PRKD1: variants seen among roughly 807,000 people sequenced by gnomAD.
PRKD1 encodes the protein serine/threonine-protein kinase D1.
Under a neutral mutation model 95.9 loss-of-function variants are expected in PRKD1, and 63 were observed. The ratio of observed to expected loss-of-function variants is 0.66; its 90% CI spans 0.54 to 0.81. The LOEUF (loss-of-function observed/expected upper bound fraction) is 0.81, where lower values mean the gene tolerates loss of function less well. Among genes scored for constraint, PRKD1 ranks in the 30% least tolerant of loss-of-function variants. PRKD1 has a pLI of 0.00. For missense variants in PRKD1, 1,048 were observed against 1,165.3 expected, an observed-to-expected ratio of 0.90 and a Z score of 1.47; for synonymous variants, 425 against 423.1, an observed-to-expected ratio of 1.00 and a Z score of -0.05.
chr14:29,593,766 T>C (rs1315998986), intron 16 of PRKD1, among the ~76,000 whole-genome samples: 1 of 152,234 alleles, frequency 6.6e-6, no homozygotes, highest in African/African-American at 2.4e-5. Context: ...GTATCTTATT[T>C]GCCTAAGTTA....
intron 1 of PRKD1, among the ~76,000 whole-genome samples, chr14:29,767,741 A>T (rs940500283): frequency 6.6e-6 from 1 of 152,242 alleles, no homozygotes; most frequent in Admixed American, 6.5e-5. Flanking sequence ...CCTGAAAATC[A>T]GTCAACAAAC....
chr14:29,711,026 A>T (rs1885311636), intron 2 of PRKD1, among the ~76,000 whole-genome samples: 1 of 152,072 alleles, frequency 6.6e-6, no homozygotes, highest in African/African-American at 2.4e-5. Context: ...CTCAGCACTA[A>T]AAGTTTTTAA....
chr14:29,638,384 G>C lies in PRKD1; in HGVS notation c.985+105C>G, dbSNP rs577087314. 2.5e-6 allele frequency: 3 copies of C among 1,183,890 alleles called. No individual in the cohort carries two copies. In the East Asian group the frequency reaches 7.1e-5, roughly 28 times the overall value. 73.3% of individuals were successfully genotyped at this position (1,183,890 alleles called of 1,614,324 possible). A position where few individuals can be genotyped will look rare whatever the true frequency, so the allele number is the denominator to read the frequency against. ...CCATAATTTACTTTAGACTGTGTCT[G>C]AAATATCTGAACCAAAACCAAAACC... On this transcript the variant is annotated intron_variant, in intron 6 of 17. Transcript: ENST00000331968.
At chr14:29,925,478 TA>T (rs934519170) in intron 1 of PRKD1, among the ~76,000 whole-genome samples, 1 of 152,136 alleles carries the variant, frequency 6.6e-6, no homozygotes, top group African/African-American at 2.4e-5. Flanking sequence ...CTGCATTCCA[TA>T]GGTGCTTGCT....
At chr14:29,680,629 T>C (rs1883487644) in intron 2 of PRKD1, among the ~76,000 whole-genome samples, 1 of 152,006 alleles carries the variant, frequency 6.6e-6, no homozygotes, top group South Asian at 2.1e-4. Flanking sequence ...AAGAGGAACA[T>C]TTGAAGGGAA....
intron 1 of PRKD1, among the ~76,000 whole-genome samples, chr14:29,870,360 C>A (rs1170051432): frequency 7.2e-5 from 11 of 151,862 alleles, no homozygotes; most frequent in Admixed American, 7.2e-4. Context: ...CTCAATGTAC[C>A]CACCAAAAAA....
At chr14:29,845,693 T>C (rs1021457569) in intron 1 of PRKD1, among the ~76,000 whole-genome samples, 2 of 152,174 alleles carry the variant, frequency 1.3e-5, no homozygotes, top group South Asian at 2.1e-4. Context: ...AGTACAATCA[T>C]AGTTTACAGT....
intron 1 of PRKD1, among the ~76,000 whole-genome samples, chr14:29,770,930 C>CAAAA (rs753745571): frequency 1.7e-4 from 8 of 47,130 alleles, no homozygotes; most frequent in East Asian, 1.1e-3. Context: ...AGACACTGTC[C>CAAAA]AAAAAAAAAA....
chr14:29,895,656 C>A (rs1894099063), intron 1 of PRKD1, among the ~76,000 whole-genome samples: 1 of 152,168 alleles, frequency 6.6e-6, no homozygotes, highest in Non-Finnish European at 1.5e-5. Context: ...TCTCCCCACT[C>A]ACTCCATACC....
intron 13 of PRKD1, among the ~76,000 whole-genome samples, chr14:29,615,562 C>T (rs1251556725): frequency 6.6e-6 from 1 of 152,200 alleles, no homozygotes; most frequent in East Asian, 1.9e-4. Context: ...TTGCCAATGC[C>T]GGGCTTCTCT....
chr14:29,893,706 T>G (rs964991202), intron 1 of PRKD1, among the ~76,000 whole-genome samples: 3 of 152,232 alleles, frequency 2.0e-5, no homozygotes, highest in Non-Finnish European at 4.4e-5. Flanking sequence ...GCCTTATGAA[T>G]GTCGGTTTCT....
At chr14:29,879,060 C>T (rs969373508) in intron 1 of PRKD1, among the ~76,000 whole-genome samples, 1 of 152,188 alleles carries the variant, frequency 6.6e-6, no homozygotes, top group Non-Finnish European at 1.5e-5. Flanking sequence ...ACAATCTTCA[C>T]GTCTGCTCTA....
At chr14:29,609,714 A>AT (rs61293890) in intron 13 of PRKD1, among the ~76,000 whole-genome samples, 28,331 of 131,604 alleles carry the variant, frequency 0.22, 3,163 homozygotes, top group South Asian at 0.24. Flanking sequence ...CTATTTCTTT[A>AT]TTTTTTTTTT....
intron 13 of PRKD1, among the ~76,000 whole-genome samples, chr14:29,602,857 G>A (rs1893572260): frequency 6.6e-6 from 1 of 152,120 alleles, no homozygotes; most frequent in Admixed American, 6.5e-5. Context: ...CCAGAATTGG[G>A]GTATTCACAG....
At chr14:29,927,078 C>A (rs1236662764) in intron 1 of PRKD1, among the ~76,000 whole-genome samples, 171 bp downstream of exon 1, 1 of 151,982 alleles carries the variant, frequency 6.6e-6, no homozygotes, top group Non-Finnish European at 1.5e-5. Context: ...GAGCGCAGCG[C>A]CTCGGGTTGC....
chr14:29,846,864 T>C (rs1338341613), intron 1 of PRKD1, among the ~76,000 whole-genome samples: 1 of 152,160 alleles, frequency 6.6e-6, no homozygotes, highest in African/African-American at 2.4e-5. Context: ...ATGAACTGGA[T>C]ATGGGATAAA....
intron 6 of PRKD1, 125 bp from the exon 7 acceptor site, chr14:29,636,619 A>AT (rs1880399026): frequency 7.9e-6 from 7 of 886,944 alleles, no homozygotes; most frequent in African/African-American, 5.1e-5. Context: ...TGATGAGTTT[A>AT]TTTTTTATTT....
Position 29,663,705 on chromosome 14 carries a change from G to A in PRKD1, c.690C>T (p.Pro230=), listed in dbSNP as rs1566523331. Residue 230 remains proline, a synonymous_variant, in exon 4 of 18, where the codon CCC becomes CCT. Coordinates refer to ENST00000331968, the MANE Select transcript of PRKD1 (RefSeq NM_002742.3). ...GGTAAACAGGAAGCCATACCAGAAG[G>A]GGCTCATCAGGGGCACTTGTAGAGA... is the stretch of plus-strand genomic sequence containing the variant. ...AELSTSAPDE[P]LLQKSPSESF... The A allele has an allele frequency of 6.2e-7, 1 of 1,613,658 alleles. No homozygotes were observed. The highest frequency in any genetic ancestry group is 8.5e-7 in the Non-Finnish European group (1 of 1,179,754).
intron 1 of PRKD1, among the ~76,000 whole-genome samples, chr14:29,845,581 A>C (rs1219406627): frequency 1.3e-5 from 2 of 152,214 alleles, no homozygotes; most frequent in Non-Finnish European, 2.9e-5. Flanking sequence ...TATAATTTTA[A>C]TAGTCTGACT....
Sources: gnomAD v4.1 joint callset for allele counts (sites outside exome capture counted in the v4.1 genomes callset) on GRCh38, gnomAD v4.1.1 for gene constraint, MANE v1.5 for transcripts, NCBI Gene and HGNC (gene_info 2026-07-23, HGNC 2026-07-21) for gene names.